SLC30A8: variants seen among roughly 807,000 people sequenced by gnomAD.
The protein encoded by SLC30A8 is proton-coupled zinc antiporter SLC30A8.
In SLC30A8, 27 loss-of-function variants were observed where a neutral mutation model predicts 36.9. That is an observed-to-expected ratio of 0.73 (90% CI 0.54 to 1.01). The LOEUF (loss-of-function observed/expected upper bound fraction) is 1.01. Ranked by LOEUF, SLC30A8 falls within the 50% of genes least tolerant of loss-of-function variation. The pLI is 0.00. For missense variants in SLC30A8, 439 were observed against 452.0 expected (o/e 0.97, Z 0.26); for synonymous variants, 164 against 172.4 (o/e 0.95, Z 0.38).
intron 1 of SLC30A8, among the ~76,000 whole-genome samples, chr8:116,992,148 G>A (rs1815666559): frequency 6.6e-6 from 1 of 152,160 alleles, no homozygotes; most frequent in East Asian, 1.9e-4. Context: ...TATAAATTAT[G>A]TAGGAGGGGG....
intron 2 of SLC30A8, among the ~76,000 whole-genome samples, chr8:117,128,049 G>A (rs1820978492): frequency 6.6e-6 from 1 of 152,034 alleles, no homozygotes. Context: ...TTAGAAGTAG[G>A]AGTTTTGTTA....
intron 1 of SLC30A8, among the ~76,000 whole-genome samples, chr8:117,142,849 T>C (rs1210048059): frequency 6.6e-6 from 1 of 152,180 alleles, no homozygotes; most frequent in Non-Finnish European, 1.5e-5. Flanking sequence ...AAATACAAGA[T>C]CTTTAAAGAA....
chr8:117,048,022 A>G lies in SLC30A8; in HGVS notation c.-226+8764A>G, dbSNP rs1489564125. Reference sequence around the variant, plus strand: ...ACCTCTTGTTTAGCATATAATCAAGAAATAACCATAAAAATGGGCAACCAG... The same window carrying G: ...ACCTCTTGTTTAGCATATAATCAAGGAATAACCATAAAAATGGGCAACCAG... On this transcript the variant is annotated intron_variant, in intron 2 of 10. Coordinates refer to the SLC30A8 transcript ENST00000427715. Among the ~76,000 whole-genome samples, 7 of 152,354 alleles carry G rather than the reference A, an allele frequency of 4.6e-5. No individual in the cohort carries two copies. In the South Asian group the frequency reaches 1.0e-3, roughly 23 times the overall value.
At chr8:117,119,146 T>C (rs1230917321) in intron 2 of SLC30A8, among the ~76,000 whole-genome samples, 2 of 152,006 alleles carry the variant, frequency 1.3e-5, no homozygotes, top group East Asian at 1.9e-4. Context: ...TAGGCTCTAC[T>C]AGTAGGCTAA....
intron 5 of SLC30A8, among the ~76,000 whole-genome samples, chr8:117,163,197 G>C (rs1336977086): frequency 2.0e-5 from 3 of 152,218 alleles, no homozygotes; most frequent in African/African-American, 7.2e-5. Context: ...ATTATGGGGA[G>C]AGCATGACTT....
intron 6 of SLC30A8, among the ~76,000 whole-genome samples, chr8:117,164,939 A>T (rs914679912): frequency 6.6e-6 from 1 of 152,166 alleles, no homozygotes; most frequent in Non-Finnish European, 1.5e-5. Flanking sequence ...ATCCGTCCTT[A>T]TGCCTAAAGC....
intron 2 of SLC30A8, among the ~76,000 whole-genome samples, chr8:117,076,140 C>T (rs1818480643): frequency 6.6e-6 from 1 of 152,106 alleles, no homozygotes; most frequent in Non-Finnish European, 1.5e-5. Context: ...ATTTTCTGTA[C>T]CCCCTTCAGC....
rs188168610 is a variant in SLC30A8 at position 117,018,836 on chromosome 8, T to C, written c.-265-20383T>C. Among the ~76,000 whole-genome samples the C allele has an allele frequency of 6.5e-3, 994 of 152,176 alleles. 14 individuals are homozygous for C. Among genetic ancestry groups the C allele is most frequent in the African/African-American group, 0.022 (932 of 41,508 alleles). On this transcript the variant is annotated intron_variant, in intron 1 of 10. Coordinates refer to the SLC30A8 transcript ENST00000427715. ...CACCACGCCTAGCTAATTTTTTGTA[T>C]TTTTAGTAGAGATGCGGTTTTTCAC... is the stretch of plus-strand genomic sequence containing the variant.
At chr8:117,072,228 A>G (rs13268674) in intron 2 of SLC30A8, among the ~76,000 whole-genome samples, 39,972 of 151,996 alleles carry the variant, frequency 0.26, 6,134 homozygotes, top group African/African-American at 0.43. Context: ...TTTGTTATTC[A>G]TTCTGTGCCT....
At position 117,038,494 on chromosome 8, in the gene SLC30A8, G is replaced by A. The variant is rs928976175; in HGVS notation, c.-265-725G>A. On this transcript the variant is annotated intron_variant, in intron 1 of 10. Coordinates refer to the SLC30A8 transcript ENST00000427715. ...CTTGATTGTATAGTCTTTATTAGAT[G>A]AACACACCAGAACTCATTTGGCCAT... 2.0e-5 allele frequency among the ~76,000 whole-genome samples: 3 copies of A among 152,016 alleles called. No homozygotes were observed. The East Asian group carries it at 5.8e-4, about 29-fold the overall frequency.
intron 2 of SLC30A8, among the ~76,000 whole-genome samples, chr8:117,126,950 C>T (rs1403948542): frequency 3.9e-5 from 6 of 151,972 alleles, no homozygotes; most frequent in Non-Finnish European, 8.8e-5. Flanking sequence ...GCAAAGGCGA[C>T]AGTACTGGGG....
At chr8:117,004,705 C>A (rs1413227713) in intron 1 of SLC30A8, among the ~76,000 whole-genome samples, 1 of 152,092 alleles carries the variant, frequency 6.6e-6, no homozygotes, top group East Asian at 1.9e-4. Flanking sequence ...AGGATGCTTT[C>A]TCTTACATTT....
At chr8:117,104,204 A>G (rs926062394) in intron 2 of SLC30A8, among the ~76,000 whole-genome samples, 1 of 152,122 alleles carries the variant, frequency 6.6e-6, no homozygotes, top group Non-Finnish European at 1.5e-5. Context: ...AATTTTCTAA[A>G]TCATCTGGTT....
chr8:117,113,606 G>A (rs945651369), intron 2 of SLC30A8, among the ~76,000 whole-genome samples: 1 of 152,094 alleles, frequency 6.6e-6, no homozygotes, highest in African/African-American at 2.4e-5. Flanking sequence ...CTATGTTAGG[G>A]CATTCTTATC....
rs542272009 is a variant in SLC30A8 at position 117,176,019 on chromosome 8, A to T, written c.*3338A>T. 1 of 152,240 alleles carries T rather than the reference A, an allele frequency of 6.6e-6. No homozygotes were observed. The highest frequency in any genetic ancestry group is 2.1e-4 in the South Asian group (1 of 4,832). 9.4% of individuals were successfully genotyped at this position (152,240 alleles called of 1,614,324 possible). On this transcript the variant is annotated 3_prime_UTR_variant, in exon 8 of 8. Coordinates refer to ENST00000456015, the MANE Select transcript of SLC30A8 (RefSeq NM_173851.3). Reference sequence around the variant, plus strand: ...AACAACTGTCCAGTGCAATGAAGGCAAAGTCATAGGTCTCCCAAGTCTTAC... The same window carrying T: ...AACAACTGTCCAGTGCAATGAAGGCTAAGTCATAGGTCTCCCAAGTCTTAC...
intron 2 of SLC30A8, among the ~76,000 whole-genome samples, chr8:117,049,651 C>T (rs550785723): frequency 6.9e-4 from 105 of 152,368 alleles, no homozygotes; most frequent in African/African-American, 2.4e-3. Context: ...CAGGTGGGCA[C>T]TGTGCCCTTC....
chr8:117,097,007 A>C (rs1016437571), intron 2 of SLC30A8, among the ~76,000 whole-genome samples: 8 of 152,100 alleles, frequency 5.3e-5, no homozygotes, highest in African/African-American at 1.7e-4. Context: ...GGGAGGCAGA[A>C]AATAAATGAA....
intron 2 of SLC30A8, among the ~76,000 whole-genome samples, chr8:117,052,835 T>C (rs1655013797): frequency 6.6e-6 from 1 of 152,194 alleles, no homozygotes; most frequent in South Asian, 2.1e-4. Flanking sequence ...TTATTGTTTC[T>C]TAAAAACATG....
intron 1 of SLC30A8, among the ~76,000 whole-genome samples, chr8:116,997,709 T>C (rs937498313): frequency 3.9e-5 from 6 of 152,302 alleles, no homozygotes; most frequent in African/African-American, 1.4e-4. Flanking sequence ...GGAATTTCTT[T>C]GGAATGAGGA....
Sources: gnomAD v4.1 joint callset for allele counts (sites outside exome capture counted in the v4.1 genomes callset) on GRCh38, gnomAD v4.1.1 for gene constraint, MANE v1.5 for transcripts, NCBI Gene and HGNC (gene_info 2026-07-23, HGNC 2026-07-21) for gene names.